Variants in DCTN4 observed in about 807,000 individuals in gnomAD.
The protein encoded by DCTN4 is dynactin 4 (p62).
DCTN4 carries 23 observed loss-of-function variants against 62.7 expected under a neutral mutation model. The observed-to-expected ratio is 0.37, with a 90% CI of 0.26 to 0.52. The LOEUF is 0.52. DCTN4 is among the 20% of genes least tolerant of loss of function. The probability of loss-of-function intolerance (pLI) is 0.92; values close to 1 mark genes in which losing one functional copy is unlikely to be tolerated. For missense variants in DCTN4, 514 were observed against 580.4 expected (o/e 0.89, Z 1.18); for synonymous variants, 199 against 202.1 (o/e 0.98, Z 0.13).
chr5:150,717,408 C>A (rs186570427), intron 11 of DCTN4, among the ~76,000 whole-genome samples: 39 of 152,246 alleles, frequency 2.6e-4, no homozygotes, highest in South Asian at 1.0e-3. Flanking sequence ...TGCCATCATG[C>A]CCGGCTAATT....
chr5:150,744,089 G>C (rs1760869543), intron 3 of DCTN4, among the ~76,000 whole-genome samples: 1 of 152,196 alleles, frequency 6.6e-6, no homozygotes, highest in African/African-American at 2.4e-5. Context: ...ACAGAGAAGT[G>C]CTTAAAGGAG....
rs1245139954 is a variant in DCTN4 at position 150,711,354 on chromosome 5, G to A, written c.1178C>T (p.Ala393Val). ...QDFQDDPDII[A>V]FRKANKVGIF... is the part of the protein sequence containing the mutation. Reference sequence around the variant, plus strand: ...ACCCACTTTGTTGGCCTTTCTGAAGGCTATAATGCTATGGAAAGAAAAAAA... The same window carrying A: ...ACCCACTTTGTTGGCCTTTCTGAAGACTATAATGCTATGGAAAGAAAAAAA... The change falls in exon 13 of 13, where the codon GCC (alanine) becomes GTC (valine). Residue 393 changes from alanine to valine, a missense_variant. Physicochemically the swap from Ala to Val is moderately conservative, Grantham distance 64. Transcript: ENST00000447998. 6.2e-7 allele frequency: 1 copy of A among 1,612,410 alleles called. No individual in the cohort carries two copies. The highest frequency in any genetic ancestry group is 2.2e-5 in the East Asian group (1 of 44,888).
At position 150,710,618 on chromosome 5, in the gene DCTN4, T is replaced by TA. The variant is rs1417240048; in HGVS notation, c.*530dup. The TA allele has an allele frequency of 6.4e-6, 1 of 155,098 alleles. No individual in the cohort carries two copies. Among genetic ancestry groups the TA allele is most frequent in the Non-Finnish European group, 1.4e-5 (1 of 69,652 alleles). The allele number at this position is 155,098 out of a possible 1,614,324, so 9.6% of individuals were successfully genotyped here. ...AAGTGACAATTCAGTTTTTCAGTTA[T>TA]ATGGAAATCTATGGCAAAATGGCAG... On this transcript the variant is annotated 3_prime_UTR_variant, in exon 13 of 13. Coordinates refer to ENST00000447998, the MANE Select transcript of DCTN4 (RefSeq NM_016221.4).
At chr5:150,722,840 T>C in intron 9 of DCTN4, 67 bp downstream of exon 9, 2 of 1,207,664 alleles carry the variant, frequency 1.7e-6, no homozygotes, top group Non-Finnish European at 2.4e-6. Context: ...CACTTCATAC[T>C]GGGGAAGAAG....
chr5:150,734,131 T>A (rs1204641052), intron 4 of DCTN4: 1 of 152,008 alleles, frequency 6.6e-6, no homozygotes, highest in Non-Finnish European at 1.5e-5. Flanking sequence ...GAGGCAGGAC[T>A]AACTTGCAGC....
At chr5:150,742,004 A>ATAACTTATAACTTATAAC in intron 4 of DCTN4, 110 bp downstream of exon 4, 4 of 913,452 alleles carry the variant, frequency 4.4e-6, no homozygotes, top group Non-Finnish European at 7.3e-6. Context: ...GCAAAGACGT[A>ATAACTTATAACTTATAAC]TTATGGACTT....
chr5:150,752,997 G>A (rs1374161220), intron 3 of DCTN4, among the ~76,000 whole-genome samples: 1 of 151,964 alleles, frequency 6.6e-6, no homozygotes, highest in Non-Finnish European at 1.5e-5. Context: ...CTCCCGAGTA[G>A]CTGGGACTAC....
intron 9 of DCTN4, among the ~76,000 whole-genome samples, chr5:150,722,578 A>C (rs886169923): frequency 3.3e-5 from 5 of 152,162 alleles, no homozygotes; most frequent in African/African-American, 1.2e-4. Context: ...ATTATTTTTA[A>C]ATTTTTTTTG....
intron 2 of DCTN4, chr5:150,755,538 G>T (rs1392747556): frequency 2.2e-6 from 1 of 456,232 alleles, no homozygotes; most frequent in South Asian, 1.5e-5. Context: ...TACCTCTGTG[G>T]TTCTCCTCCG....
chr5:150,715,050 A>G (rs1225705862), intron 12 of DCTN4, among the ~76,000 whole-genome samples: 2 of 151,262 alleles, frequency 1.3e-5, no homozygotes, highest in Non-Finnish European at 2.9e-5. Context: ...CATTGAAAAC[A>G]TTCAGTCTAC....
chr5:150,718,285 G>A lies in DCTN4; in HGVS notation c.1062C>T (p.Ser354=). The change falls in exon 11 of 13, where the codon AGC becomes AGT. Residue 354 remains serine (S), a synonymous_variant. Coordinates refer to ENST00000447998, the MANE Select transcript of DCTN4 (RefSeq NM_016221.4). ...CEEGDPDDIN[S]TAKVVVPPKE... The stretch of plus-strand genomic sequence containing the variant: ...GGCAAAATGCTCCTACCTTAGCAGT[G>A]CTGTTGATATCATCAGGGTCCCCCT... 1.2e-6 allele frequency: 2 copies of A among 1,612,318 alleles called. No homozygotes were observed. The highest frequency in any genetic ancestry group is 2.2e-5 in the South Asian group (2 of 90,942).
intron 1 of DCTN4, chr5:150,758,061 T>G (rs1486068639): frequency 1.5e-5 from 15 of 982,158 alleles, no homozygotes; most frequent in Non-Finnish European, 1.8e-5. Flanking sequence ...TACTATCAGC[T>G]TTTTCTTCAC....
chr5:150,758,798 G>A, intron 1 of DCTN4, 61 bp downstream of exon 1: 9 of 1,595,286 alleles, frequency 5.6e-6, no homozygotes, highest in Admixed American at 5.1e-5. Flanking sequence ...CGGTGGCAGT[G>A]ACTAGCATGA....
rs1261414794 is a variant in DCTN4, at chr5:150,753,603, G to C, written c.261C>G (p.Ala87=). 1.2e-6 allele frequency: 2 copies of C among 1,614,136 alleles called. No individual in the cohort carries two copies. The highest frequency in any genetic ancestry group is 3.3e-5 in the Admixed American group (2 of 60,018). ...PGCMHTLSTR[A]TSISTQLPDD... is the part of the protein sequence containing the mutation. ...CTGGAAGCTGTGTGGAGATGCTCGTGGCCCGAGTAGAGAGGGTGTGCATGC... is the reference window on the plus strand; with the variant it reads ...CTGGAAGCTGTGTGGAGATGCTCGTCGCCCGAGTAGAGAGGGTGTGCATGC... The change falls in exon 3 of 13, where the codon GCC becomes GCG. Residue 87 remains alanine (A), a synonymous_variant. Coordinates refer to ENST00000447998, the MANE Select transcript of DCTN4 (RefSeq NM_016221.4).
chr5:150,719,911 C>A, intron 9 of DCTN4, 141 bp from the exon 10 acceptor site: 1 of 593,264 alleles, frequency 1.7e-6, no homozygotes, highest in East Asian at 3.1e-5. Context: ...TGAACCATAT[C>A]ATCACAGTAA....
intron 11 of DCTN4, 21 bp downstream of exon 11, chr5:150,718,255 G>T: frequency 6.4e-7 from 1 of 1,572,246 alleles, no homozygotes; most frequent in Non-Finnish European, 8.7e-7. Context: ...GGTCAGTCAG[G>T]CTGAGGCAAA....
chr5:150,732,902 A>C (rs1421524676), intron 5 of DCTN4, among the ~76,000 whole-genome samples: 1 of 152,240 alleles, frequency 6.6e-6, no homozygotes, highest in Non-Finnish European at 1.5e-5. Flanking sequence ...GCACTATGTA[A>C]AAAGTCAGTG....
In DCTN4 at chr5:150,712,997, A is replaced by G. The variant is rs185750388; in HGVS notation, c.1170-1635T>C. On this transcript the variant is annotated intron_variant, in intron 12 of 12. Transcript: ENST00000447998. Reference sequence around the variant, plus strand: ...AGGCTGAAATCTGATATCTCAGACAATCATTCCAGAAGTATATCTTGGCTT... The same window carrying G: ...AGGCTGAAATCTGATATCTCAGACAGTCATTCCAGAAGTATATCTTGGCTT... 7.2e-5 allele frequency among the ~76,000 whole-genome samples: 11 copies of G among 152,358 alleles called. No homozygotes were observed. The East Asian group carries it at 2.1e-3, about 29-fold the overall frequency.
rs1342375291 is a variant in DCTN4, at chr5:150,725,100, G to A, written c.835-2120C>T. On this transcript the variant is annotated intron_variant, in intron 8 of 12. Transcript: ENST00000447998. ...GTGAACCTGGGAGGTGGAGCTTGCAGTGAGCCGAGATCACGCCGCTGCACT... is the reference window on the plus strand; with the variant it reads ...GTGAACCTGGGAGGTGGAGCTTGCAATGAGCCGAGATCACGCCGCTGCACT... 5.4e-5 allele frequency among the ~76,000 whole-genome samples: 8 copies of A among 147,772 alleles called. No individual in the cohort carries two copies. The East Asian group carries it at 1.2e-3, about 22-fold the overall frequency.
Sources: gnomAD v4.1 joint callset for allele counts (sites outside exome capture counted in the v4.1 genomes callset) on GRCh38, gnomAD v4.1.1 for gene constraint, MANE v1.5 for transcripts, NCBI Gene and HGNC (gene_info 2026-07-23, HGNC 2026-07-21) for gene names.